Variants in TTC13 observed in about 807,000 individuals in gnomAD.
TTC13 encodes tetratricopeptide repeat domain 13.
TTC13 carries 62 observed loss-of-function variants against 120.0 expected under a neutral mutation model. That is an observed-to-expected ratio of 0.52 (90% CI 0.42 to 0.64). TTC13 has a LOEUF of 0.64. TTC13 is among the 30% of genes least tolerant of loss of function. TTC13 has a pLI of 0.00. For missense variants in TTC13, 824 were observed against 1,050.2 expected (o/e 0.78, Z 2.98); for synonymous variants, 384 against 393.5 (o/e 0.98, Z 0.28).
At chr1:230,930,990 T>C (rs757850486) in intron 11 of TTC13, among the ~76,000 whole-genome samples, 19 of 152,240 alleles carry the variant, frequency 1.2e-4, no homozygotes, top group Non-Finnish European at 1.3e-4. Flanking sequence ...TTGGATGAGA[T>C]GTGATGAGAC....
At chr1:230,907,977 C>T (rs1468690547) in intron 22 of TTC13, among the ~76,000 whole-genome samples, 2 of 31,178 alleles carry the variant, frequency 6.4e-5, no homozygotes, top group Non-Finnish European at 1.4e-4. Flanking sequence ...TCCTCACACA[C>T]AGTGTCCGTC....
rs1468580581 is a variant in TTC13, at chr1:230,946,959, AG to A, written c.514-1506del. On this transcript the variant is annotated intron_variant, in intron 4 of 22. Transcript: ENST00000366661. ...CTTATACGTGATTGTGTGAGCCATT[AG>A]GTGCACAGAAATAAACTCCAAAATG... 2.0e-5 allele frequency among the ~76,000 whole-genome samples: 3 copies of A among 152,140 alleles called. No homozygotes were observed. In the East Asian group the frequency reaches 5.8e-4, roughly 29 times the overall value.
rs551334658 is a variant in TTC13, at chr1:230,971,633, G to A, written c.271+6927C>T. 3.3e-5 allele frequency among the ~76,000 whole-genome samples: 5 copies of A among 152,240 alleles called. No homozygotes were observed. The South Asian group carries it at 1.0e-3, about 32-fold the overall frequency. On this transcript the variant is annotated intron_variant, in intron 1 of 22. Coordinates refer to ENST00000366661, the MANE Select transcript of TTC13 (RefSeq NM_024525.5). ...AAGGATCCACAAAAGCCATCTTAAAGAGACAGAAGTTTTTTGTTTTTTAAC... is the reference window on the plus strand; with the variant it reads ...AAGGATCCACAAAAGCCATCTTAAAAAGACAGAAGTTTTTTGTTTTTTAAC...
chr1:230,963,862 G>A (rs763528988), intron 1 of TTC13, among the ~76,000 whole-genome samples: 2 of 152,042 alleles, frequency 1.3e-5, no homozygotes, highest in Non-Finnish European at 2.9e-5. Context: ...GGAAGGTGAG[G>A]AGTCAGACTG....
chr1:230,932,013 G>A, intron 9 of TTC13, 136 bp from the exon 10 acceptor site: 1 of 739,964 alleles, frequency 1.4e-6, no homozygotes, highest in Non-Finnish European at 2.2e-6. Flanking sequence ...CTTTTTTATA[G>A]CCTCTGACAC....
intron 12 of TTC13, among the ~76,000 whole-genome samples, chr1:230,928,161 C>T (rs1189788553): frequency 6.6e-6 from 1 of 152,078 alleles, no homozygotes; most frequent in Admixed American, 6.5e-5. Flanking sequence ...TTAACAAGTG[C>T]CTCAAAAAAA....
Position 230,923,821 on chromosome 1 carries a change from G to A in TTC13, c.1814+20C>T. 1 of 1,594,174 alleles carries A rather than the reference G, an allele frequency of 6.3e-7. No individual in the cohort carries two copies. Among genetic ancestry groups the A allele is most frequent in the Admixed American group, 1.7e-5 (1 of 59,446 alleles). The stretch of plus-strand genomic sequence containing the variant: ...AATAAACTCCTAGGAAAAGAAGAAA[G>A]ATGCACAAAAGGTTCGTACCTGATT... On this transcript the variant is annotated intron_variant, in intron 15 of 22. Coordinates refer to ENST00000366661, the MANE Select transcript of TTC13 (RefSeq NM_024525.5).
At chr1:230,912,012 T>C (rs1487043443) in intron 19 of TTC13, among the ~76,000 whole-genome samples, 1 of 152,128 alleles carries the variant, frequency 6.6e-6, no homozygotes, top group Admixed American at 6.5e-5. Context: ...GATGCAGTGA[T>C]TAAATGTTGG....
intron 8 of TTC13, among the ~76,000 whole-genome samples, chr1:230,935,832 T>C (rs550429589): frequency 6.6e-6 from 1 of 152,204 alleles, no homozygotes; most frequent in East Asian, 1.9e-4. Context: ...CAAGAGATAA[T>C]GAAAGCTCAA....
intron 4 of TTC13, among the ~76,000 whole-genome samples, chr1:230,951,420 C>CA (rs1173445874): frequency 2.0e-5 from 3 of 151,092 alleles, no homozygotes; most frequent in Non-Finnish European, 4.4e-5. Context: ...TCAAGAAAAC[C>CA]AAAAATTCTG....
chr1:230,943,763 A>G (rs1253367590), intron 6 of TTC13, 43 bp downstream of exon 6: 1 of 1,487,570 alleles, frequency 6.7e-7, no homozygotes, highest in Non-Finnish European at 9.1e-7. Context: ...TTGAGATTCA[A>G]CTAATCCAAT....
intron 6 of TTC13, among the ~76,000 whole-genome samples, chr1:230,941,759 G>T (rs2102880863): frequency 6.6e-6 from 1 of 152,306 alleles, no homozygotes; most frequent in East Asian, 1.9e-4. Context: ...ATATGTCTGA[G>T]AATTCAAAAA....
chr1:230,959,677 A>G (rs1676444517), intron 2 of TTC13, among the ~76,000 whole-genome samples: 1 of 152,214 alleles, frequency 6.6e-6, no homozygotes, highest in Non-Finnish European at 1.5e-5. Context: ...CACTGCACCC[A>G]GCCAAACAAC....
intron 18 of TTC13, 75 bp downstream of exon 18, chr1:230,916,118 T>G: frequency 9.0e-7 from 1 of 1,106,708 alleles, no homozygotes; most frequent in Non-Finnish European, 1.4e-6. Context: ...ACCACAAAAC[T>G]CTATAGTGAC....
At chr1:230,970,701 CA>C (rs1159816401) in intron 1 of TTC13, among the ~76,000 whole-genome samples, 2 of 152,204 alleles carry the variant, frequency 1.3e-5, no homozygotes, top group African/African-American at 4.8e-5. Flanking sequence ...GTATTTCTCA[CA>C]CATCCATGTG....
chr1:230,908,694 C>T lies in TTC13; in HGVS notation c.2468+18G>A, dbSNP rs770781113. 5.0e-6 allele frequency: 8 copies of T among 1,603,712 alleles called. No individual in the cohort carries two copies. Among genetic ancestry groups the T allele is most frequent in the South Asian group, 2.2e-5 (2 of 90,770 alleles). Reference sequence around the variant, plus strand: ...TCCAGTTATGATACCCTTGTGTGGACCCCCCTCAAGTAGTTACCTTTTCAA... The same window carrying T: ...TCCAGTTATGATACCCTTGTGTGGATCCCCCTCAAGTAGTTACCTTTTCAA... On this transcript the variant is annotated intron_variant, in intron 22 of 22. Coordinates refer to ENST00000366661, the MANE Select transcript of TTC13 (RefSeq NM_024525.5).
chr1:230,937,156 G>A (rs1401006526), intron 8 of TTC13, among the ~76,000 whole-genome samples: 2 of 152,170 alleles, frequency 1.3e-5, no homozygotes, highest in Non-Finnish European at 2.9e-5. Flanking sequence ...CAGATCTAAA[G>A]CAAATCAAAC....
chr1:230,970,524 C>T (rs926725096), intron 1 of TTC13, among the ~76,000 whole-genome samples: 1 of 152,238 alleles, frequency 6.6e-6, no homozygotes, highest in Non-Finnish European at 1.5e-5. Context: ...ACCGGCCACT[C>T]ATCCACCACA....
rs1023387120 is a variant in TTC13 at position 230,940,300 on chromosome 1, A to G, written c.789+140T>C. On this transcript the variant is annotated intron_variant, in intron 7 of 22. Coordinates refer to ENST00000366661, the MANE Select transcript of TTC13 (RefSeq NM_024525.5). The surrounding 1 kb of genome is among the most constrained non-coding windows in gnomAD (Gnocchi z 4.1). ...CACTGGGTTTAATTTCAGCTACAGA[A>G]AATGCTTTTATAACTCTTATGACAC... The G allele has an allele frequency of 2.0e-6, 1 of 496,324 alleles. No homozygotes were observed. Among genetic ancestry groups the G allele is most frequent in the African/African-American group, 2.0e-5 (1 of 49,856 alleles). The allele number at this position is 496,324 out of a possible 1,614,324, so 30.7% of individuals were successfully genotyped here.
Sources: gnomAD v4.1 joint callset for allele counts (sites outside exome capture counted in the v4.1 genomes callset) on GRCh38, gnomAD v4.1.1 for gene constraint, Gnocchi (gnomAD v3.1) non-coding constraint, MANE v1.5 for transcripts, NCBI Gene and HGNC (gene_info 2026-07-23, HGNC 2026-07-21) for gene names.